The following NKAIN3 variants were observed in gnomAD, a reference collection of about 807,000 sequenced individuals.
NKAIN3 encodes the protein sodium/potassium-transporting ATPase subunit beta-1-interacting protein 3.
NKAIN3 carries 25 observed loss-of-function variants against 30.2 expected under a neutral mutation model. That is an observed-to-expected ratio of 0.83 (90% CI 0.60 to 1.16). The LOEUF is 1.16. Among genes scored for constraint, NKAIN3 ranks in the 50% most tolerant of loss-of-function variants. The pLI, the probability that NKAIN3 is intolerant of heterozygous loss-of-function variation, is 0.00. For synonymous variants in NKAIN3, 91 were observed against 89.6 expected, an observed-to-expected ratio of 1.02 and a Z score of -0.09; for missense variants, 225 against 254.1, an observed-to-expected ratio of 0.89 and a Z score of 0.78.
At chr8:62,659,679 C>T (rs900354216) in intron 3 of NKAIN3, among the ~76,000 whole-genome samples, 4 of 152,126 alleles carry the variant, frequency 2.6e-5, no homozygotes, top group Admixed American at 6.5e-5. Context: ...TGACCATGCA[C>T]TTGGTTGCAT....
chr8:62,490,933 A>C (rs1009053417), intron 1 of NKAIN3, among the ~76,000 whole-genome samples: 1 of 152,212 alleles, frequency 6.6e-6, no homozygotes, highest in Non-Finnish European at 1.5e-5. Context: ...GCCAGCACCA[A>C]ACAAACACTC....
chr8:62,253,191 ACT>A (rs1812164311), intron 1 of NKAIN3, among the ~76,000 whole-genome samples: 1 of 152,022 alleles, frequency 6.6e-6, no homozygotes, highest in Non-Finnish European at 1.5e-5. Flanking sequence ...AAAACTCAAA[ACT>A]CTCACCAGAC....
At chr8:62,385,507 A>G (rs1171149834) in intron 1 of NKAIN3, among the ~76,000 whole-genome samples, 1 of 152,200 alleles carries the variant, frequency 6.6e-6, no homozygotes, top group Non-Finnish European at 1.5e-5. Context: ...CATGGGGAAG[A>G]GGGGAAAAGG....
intron 3 of NKAIN3, among the ~76,000 whole-genome samples, chr8:62,719,053 A>C (rs570784095): frequency 2.0e-5 from 3 of 152,204 alleles, no homozygotes; most frequent in Admixed American, 1.3e-4. Context: ...GAAAGGTCCA[A>C]AGAGTAATAA....
intron 5 of NKAIN3, among the ~76,000 whole-genome samples, chr8:62,934,282 G>T (rs1466854098): frequency 2.6e-5 from 4 of 151,924 alleles, no homozygotes; most frequent in Non-Finnish European, 5.9e-5. Flanking sequence ...GAAGGCTGAG[G>T]TGGGAGGATC....
At chr8:62,551,179 A>G (rs1023035049) in intron 1 of NKAIN3, among the ~76,000 whole-genome samples, 5 of 152,150 alleles carry the variant, frequency 3.3e-5, no homozygotes, top group African/African-American at 4.8e-5. Flanking sequence ...CAATTTCTAT[A>G]GCTACATTAA....
intron 1 of NKAIN3, among the ~76,000 whole-genome samples, chr8:62,573,547 T>G (rs1313424337): frequency 6.6e-6 from 1 of 152,122 alleles, no homozygotes; most frequent in Non-Finnish European, 1.5e-5. Context: ...CTTTTCTTCC[T>G]TTTTATTAAG....
At chr8:62,735,670 T>C (rs1465525937) in intron 3 of NKAIN3, among the ~76,000 whole-genome samples, 1 of 152,154 alleles carries the variant, frequency 6.6e-6, no homozygotes, top group Non-Finnish European at 1.5e-5. Context: ...CTTGGATCCA[T>C]TGCTGGTGAA....
intron 1 of NKAIN3, among the ~76,000 whole-genome samples, chr8:62,253,549 A>T (rs1049943890): frequency 4.6e-5 from 7 of 152,200 alleles, no homozygotes; most frequent in South Asian, 2.1e-4. Flanking sequence ...AACATGGGAG[A>T]CAGAGTGACA....
At chr8:62,726,528 A>G (rs1476108593) in intron 3 of NKAIN3, among the ~76,000 whole-genome samples, 1 of 152,006 alleles carries the variant, frequency 6.6e-6, no homozygotes, top group Non-Finnish European at 1.5e-5. Context: ...TTATCAAATG[A>G]TTTCTCAGCA....
At chr8:62,330,986 CTCTCTCTCTCTCTT>C (rs1311217788) in intron 1 of NKAIN3, among the ~76,000 whole-genome samples, 3,498 of 150,792 alleles carry the variant, frequency 0.023, 145 homozygotes, top group African/African-American at 0.081. Flanking sequence ...CTCTAGACTT[CTCTCTCTCTCTCTT>C]TCTCTCTCTC....
At chr8:62,281,147 C>A (rs1378265780) in intron 1 of NKAIN3, among the ~76,000 whole-genome samples, 1 of 152,108 alleles carries the variant, frequency 6.6e-6, no homozygotes, top group Non-Finnish European at 1.5e-5. Flanking sequence ...TCTAGATTTT[C>A]TAGTGTATTT....
At chr8:62,351,466 AG>A (rs1372011733) in intron 1 of NKAIN3, among the ~76,000 whole-genome samples, 1 of 149,756 alleles carries the variant, frequency 6.7e-6, no homozygotes, top group African/African-American at 2.4e-5. Flanking sequence ...TGGAACCTGT[AG>A]ATACGGAGGC....
At chr8:62,308,334 G>A (rs946872378) in intron 1 of NKAIN3, among the ~76,000 whole-genome samples, 3 of 150,150 alleles carry the variant, frequency 2.0e-5, no homozygotes, top group African/African-American at 7.6e-5. Flanking sequence ...GGAGTGATGT[G>A]TATGTCATTC....
chr8:62,937,749 G>A (rs1822832548), intron 5 of NKAIN3, among the ~76,000 whole-genome samples: 2 of 152,100 alleles, frequency 1.3e-5, no homozygotes, highest in Non-Finnish European at 2.9e-5. Context: ...CAGGCAGGGA[G>A]GGGTGAAGTC....
At chr8:62,368,577 AG>A (rs1334313589) in intron 1 of NKAIN3, among the ~76,000 whole-genome samples, 3 of 152,062 alleles carry the variant, frequency 2.0e-5, no homozygotes, top group Non-Finnish European at 4.4e-5. Context: ...AAGGGCATGA[AG>A]GGGGGCTTCT....
In NKAIN3 at chr8:62,650,289, C is replaced by T. The variant is rs1308246030; in HGVS notation, c.273+60495C>T. ...CAAATTATTTTCTAGAATTCAGGTG[C>T]TCACTACTTCTGCCTCGCAATAGAG... On this transcript the variant is annotated intron_variant, in intron 3 of 6. Coordinates refer to ENST00000623646, the MANE Select transcript of NKAIN3 (RefSeq NM_001304533.3). Among the ~76,000 whole-genome samples, 5 of 152,118 alleles carry T rather than the reference C, an allele frequency of 3.3e-5. No homozygotes were observed. In the East Asian group the frequency reaches 9.7e-4, roughly 29 times the overall value.
intron 6 of NKAIN3, among the ~76,000 whole-genome samples, chr8:62,957,774 G>A (rs1823463941): frequency 6.6e-6 from 1 of 152,154 alleles, no homozygotes; most frequent in African/African-American, 2.4e-5. Context: ...GTATGACATT[G>A]GAATGATGGA....
chr8:62,780,395 C>G (rs1429350732), intron 4 of NKAIN3, among the ~76,000 whole-genome samples: 1 of 151,962 alleles, frequency 6.6e-6, no homozygotes, highest in African/African-American at 2.4e-5. Flanking sequence ...TCAAACTATC[C>G]TAAAAATTAA....
Sources: gnomAD v4.1 joint callset for allele counts (sites outside exome capture counted in the v4.1 genomes callset) on GRCh38, gnomAD v4.1.1 for gene constraint, MANE v1.5 for transcripts, NCBI Gene and HGNC (gene_info 2026-07-23, HGNC 2026-07-21) for gene names.